KIAA0513: variants seen among roughly 807,000 people sequenced by gnomAD.
KIAA0513 encodes uncharacterized protein KIAA0513.
KIAA0513 carries 39 observed loss-of-function variants against 56.5 expected under a neutral mutation model. The ratio of observed to expected loss-of-function variants is 0.69; its 90% CI spans 0.53 to 0.90. The LOEUF is 0.90. Among genes scored for constraint, KIAA0513 ranks in the 40% least tolerant of loss-of-function variants. The probability of loss-of-function intolerance (pLI) is 0.00; values close to 1 mark genes in which losing one functional copy is unlikely to be tolerated. For missense variants in KIAA0513, 591 were observed against 535.2 expected, an observed-to-expected ratio of 1.10 and a Z score of -1.03; for synonymous variants, 268 against 215.6, an observed-to-expected ratio of 1.24 and a Z score of -2.13.
rs2073898757 is a variant in KIAA0513 at position 85,094,155 on chromosome 16, A to G, written c.*5830A>G. On this transcript the variant is annotated 3_prime_UTR_variant, in exon 13 of 13. Transcript: ENST00000683363. ...CTAAAATCAAAGGTGTTTGCTGTGAAGAAAAACATGTGTATATATTGCACC... is the reference window on the plus strand; with the variant it reads ...CTAAAATCAAAGGTGTTTGCTGTGAGGAAAAACATGTGTATATATTGCACC... 6.6e-6 allele frequency: 1 copy of G among 151,960 alleles called. No individual in the cohort carries two copies. The highest frequency in any genetic ancestry group is 1.5e-5 in the Non-Finnish European group (1 of 67,982). 9.4% of individuals were successfully genotyped at this position (151,960 alleles called of 1,614,324 possible).
intron 1 of KIAA0513, among the ~76,000 whole-genome samples, chr16:85,056,978 TAC>T (rs2073339205): frequency 6.6e-6 from 1 of 152,206 alleles, no homozygotes; most frequent in Non-Finnish European, 1.5e-5. Context: ...GGGCTGGAAT[TAC>T]AGGCAGGAGC....
chr16:85,059,506 G>A lies in KIAA0513; in HGVS notation c.-172-7394G>A, dbSNP rs150189170. On this transcript the variant is annotated intron_variant, in intron 1 of 12. Transcript: ENST00000683363. ...CTCCAGAAAAGAGTGGGGTGCCCGAGTGCGAACATGACGCTTAAGATGCTA... is the reference window on the plus strand; with the variant it reads ...CTCCAGAAAAGAGTGGGGTGCCCGAATGCGAACATGACGCTTAAGATGCTA... Among the ~76,000 whole-genome samples, 197 of 152,332 alleles carry A rather than the reference G, an allele frequency of 1.3e-3. 1 individual carries two copies. The highest frequency in any genetic ancestry group is 9.7e-3 in the East Asian group (50 of 5,178).
chr16:85,062,093 C>T (rs781636761), intron 1 of KIAA0513, among the ~76,000 whole-genome samples: 6 of 152,264 alleles, frequency 3.9e-5, no homozygotes, highest in East Asian at 3.9e-4. Flanking sequence ...CTTCTCAGCC[C>T]TCTCAGGACC....
chr16:85,032,667 G>C (rs1421817250), intron 1 of KIAA0513, among the ~76,000 whole-genome samples: 1 of 151,828 alleles, frequency 6.6e-6, no homozygotes, highest in African/African-American at 2.4e-5. Flanking sequence ...GTTTCAGTCT[G>C]TCGTCCAGGC....
intron 4 of KIAA0513, 142 bp downstream of exon 4, chr16:85,073,140 A>G (rs2073604085): frequency 4.1e-6 from 3 of 740,068 alleles, no homozygotes; most frequent in African/African-American, 3.4e-5. Context: ...TGCTACGCCC[A>G]GCATTCAGCT....
intron 10 of KIAA0513, among the ~76,000 whole-genome samples, chr16:85,084,250 CT>C (rs57226779): frequency 4.4e-4 from 58 of 132,298 alleles, no homozygotes; most frequent in Non-Finnish European, 4.5e-4. Flanking sequence ...TTTTCTTTTT[CT>C]TTTTTTTTTT....
chr16:85,073,589 C>T (rs545381336), intron 4 of KIAA0513, among the ~76,000 whole-genome samples: 1 of 152,358 alleles, frequency 6.6e-6, no homozygotes, highest in South Asian at 2.1e-4. Flanking sequence ...AGACCCTCTT[C>T]TCAGGAGCAT....
chr16:85,067,358 G>C lies in KIAA0513; in HGVS notation c.287G>C (p.Arg96Thr), dbSNP rs918820599. The C allele has an allele frequency of 1.9e-6, 3 of 1,608,738 alleles. No homozygotes were observed. The African/African-American group carries it at 4.0e-5, about 21-fold the overall frequency. ...CAGGATGAAGAGACCCTGGCACTCA[G>C]GGACTTCATGCGTGGCTACGTGGAG... ...STQDEETLAL[R>T]DFMRGYVEKI... Residue 96 changes from arginine to threonine, a missense_variant, in exon 2 of 13, where the codon AGG becomes ACG. Transcript: ENST00000683363.
At chr16:85,080,097 CCAGAGGG>C (rs150960103) in intron 8 of KIAA0513, among the ~76,000 whole-genome samples, 22 of 152,224 alleles carry the variant, frequency 1.4e-4, no homozygotes, top group African/African-American at 3.4e-4. Context: ...CTGCCGGGAC[CCAGAGGG>C]CAGAGGGCAG....
rs528843727 is a variant in KIAA0513 at position 85,076,936 on chromosome 16, G to T, written c.575-489G>T. ...ACCTATAGTGGGCACTGAGGCCCGT[G>T]GGGGTGCCTCATCCTGTGGGGGTGC... On this transcript the variant is annotated intron_variant, in intron 5 of 12. Coordinates refer to ENST00000683363, the MANE Select transcript of KIAA0513 (RefSeq NM_001388359.1). The surrounding 1 kb of genome is among the most constrained non-coding windows in gnomAD (Gnocchi z 4.7). Among the ~76,000 whole-genome samples the T allele has an allele frequency of 3.1e-3, 474 of 152,298 alleles. 3 individuals carry two copies. Among genetic ancestry groups the T allele is most frequent in the African/African-American group, 0.011 (457 of 41,566 alleles).
At chr16:85,045,781 C>T (rs1377391608) in intron 1 of KIAA0513, among the ~76,000 whole-genome samples, 1 of 152,214 alleles carries the variant, frequency 6.6e-6, no homozygotes, top group Admixed American at 6.5e-5. Flanking sequence ...GCCTCTGCTC[C>T]AGCCTGTGCA....
Position 85,088,381 on chromosome 16 carries a change from C to G in KIAA0513, c.*56C>G. The G allele has an allele frequency of 6.6e-7, 1 of 1,508,708 alleles. No individual in the cohort carries two copies. Among genetic ancestry groups the G allele is most frequent in the Non-Finnish European group, 9.1e-7 (1 of 1,096,422 alleles). The allele number at this position is 1,508,708 out of a possible 1,614,324, so 93.5% of individuals were successfully genotyped here. On this transcript the variant is annotated 3_prime_UTR_variant, in exon 13 of 13. Coordinates refer to ENST00000683363, the MANE Select transcript of KIAA0513 (RefSeq NM_001388359.1). ...GAGGCCATGTGCCATTCTCCCGGGC[C>G]CAGCGCCCGGCCGTCACCCCACCCG...
chr16:85,052,473 C>A (rs2073267477), intron 1 of KIAA0513, among the ~76,000 whole-genome samples: 1 of 152,186 alleles, frequency 6.6e-6, no homozygotes, highest in Non-Finnish European at 1.5e-5. Flanking sequence ...TGCATCGTGC[C>A]ATTGCACTCC....
At chr16:85,066,030 A>G (rs763795093) in intron 1 of KIAA0513, among the ~76,000 whole-genome samples, 3 of 152,178 alleles carry the variant, frequency 2.0e-5, no homozygotes, top group Admixed American at 6.5e-5. Context: ...GTGCCAGGGC[A>G]TGGTCCCTCT....
intron 7 of KIAA0513, 71 bp downstream of exon 7, chr16:85,078,526 C>A: frequency 6.8e-7 from 1 of 1,476,580 alleles, no homozygotes; most frequent in Non-Finnish European, 9.4e-7. Flanking sequence ...AGCAGGTGCA[C>A]GGCCTCTGGG....
intron 1 of KIAA0513, among the ~76,000 whole-genome samples, chr16:85,044,272 G>T (rs1454116975): frequency 6.6e-6 from 1 of 152,156 alleles, no homozygotes; most frequent in Admixed American, 6.5e-5. Flanking sequence ...AGTGGTGCCC[G>T]CTGTGTGTGC....
chr16:85,030,358 G>C, intron 1 of KIAA0513, among the ~76,000 whole-genome samples: 1 of 152,192 alleles, frequency 6.6e-6, no homozygotes, highest in East Asian at 1.9e-4. Flanking sequence ...TGCGGTGGTT[G>C]TGAAACCAAG....
chr16:85,078,983 C>A lies in KIAA0513; in HGVS notation c.882C>A (p.His294Gln), dbSNP rs1226951188. ...GGGAGAAGATCTACCTGTACACGCA[C>A]CTGAAGCAACAGCCCATCTGGTAAG... ...KKGEKIYLYT[H>Q]LKQQPIWHTL... is the part of the protein sequence containing the mutation. The change falls in exon 8 of 13, where the codon CAC (histidine) becomes CAA (glutamine). Residue 294 changes from histidine to glutamine, a missense_variant. Physicochemically the swap from His to Gln is conservative, Grantham distance 24 (BLOSUM62 0). Coordinates refer to ENST00000683363, the MANE Select transcript of KIAA0513 (RefSeq NM_001388359.1). 1 of 1,614,192 alleles carries A rather than the reference C, an allele frequency of 6.2e-7. No homozygotes were observed. Among genetic ancestry groups the A allele is most frequent in the East Asian group, 2.2e-5 (1 of 44,884 alleles).
intron 2 of KIAA0513, among the ~76,000 whole-genome samples, chr16:85,071,557 C>T (rs188600116): frequency 1.9e-4 from 29 of 152,282 alleles, no homozygotes; most frequent in African/African-American, 7.0e-4. Context: ...TCACCACTCT[C>T]AAGCCGGCGT....
Sources: gnomAD v4.1 joint callset for allele counts (sites outside exome capture counted in the v4.1 genomes callset) on GRCh38, gnomAD v4.1.1 for gene constraint, Gnocchi (gnomAD v3.1) non-coding constraint, MANE v1.5 for transcripts, NCBI Gene and HGNC (gene_info 2026-07-23, HGNC 2026-07-21) for gene names.